Variants in TUT7 observed in about 807,000 individuals in gnomAD.
The protein encoded by TUT7 is terminal uridylyltransferase 7.
Under a neutral mutation model 165.9 loss-of-function variants are expected in TUT7, and 33 were observed. That is an observed-to-expected ratio of 0.20 (90% confidence interval 0.15 to 0.27). The LOEUF (loss-of-function observed/expected upper bound fraction) is 0.27, where lower values mean the gene tolerates loss of function less well. Ranked by LOEUF, TUT7 falls within the 10% of genes least tolerant of loss-of-function variation. The probability of loss-of-function intolerance (pLI) is 1.00; values close to 1 mark genes in which losing one functional copy is unlikely to be tolerated. For synonymous variants in TUT7, 552 were observed against 608.1 expected (o/e 0.91, Z 1.36); for missense variants, 1,338 against 1,762.3 (o/e 0.76, Z 4.31).
In TUT7 at chr9:86,325,494, C is replaced by G; in HGVS notation, c.1629G>C (p.Val543=). The G allele has an allele frequency of 6.2e-7, 1 of 1,613,668 alleles. No individual in the cohort carries two copies. The highest frequency in any genetic ancestry group is 8.5e-7 in the Non-Finnish European group (1 of 1,179,756). The part of the protein sequence containing the change: ...KRGQVSLILD[V]KHQPSVPVGQ... Reference sequence around the variant, plus strand: ...CAACTGGTACTGAAGGCTGGTGTTTCACATCCAATATTAATGACACCTATT... The same window carrying G: ...CAACTGGTACTGAAGGCTGGTGTTTGACATCCAATATTAATGACACCTATT... Residue 543 remains valine, a synonymous_variant, in exon 12 of 27, where the codon GTG becomes GTC. Transcript: ENST00000375963.
chr9:86,334,721 T>A (rs2131525942), intron 10 of TUT7, among the ~76,000 whole-genome samples: 1 of 152,240 alleles, frequency 6.6e-6, no homozygotes, highest in African/African-American at 2.4e-5. Context: ...TGAGTTTTTA[T>A]ACCCAGGGTT....
At chr9:86,351,902 T>C (rs1832336362) in intron 2 of TUT7, among the ~76,000 whole-genome samples, 1 of 152,182 alleles carries the variant, frequency 6.6e-6, no homozygotes, top group Non-Finnish European at 1.5e-5. Flanking sequence ...TCGGTATATA[T>C]CTCCCATTAG....
chr9:86,326,208 T>A (rs1482621424), intron 11 of TUT7, among the ~76,000 whole-genome samples: 1 of 152,220 alleles, frequency 6.6e-6, no homozygotes, highest in African/African-American at 2.4e-5. Context: ...CTCAGACTGG[T>A]AGCACAGCAC....
At chr9:86,325,986 C>CT (rs754971178) in intron 11 of TUT7, among the ~76,000 whole-genome samples, 11 of 152,204 alleles carry the variant, frequency 7.2e-5, no homozygotes, top group Non-Finnish European at 1.5e-4. Flanking sequence ...CACATTGACT[C>CT]TGTCAGTGAC....
At chr9:86,352,618 A>C (rs750593921) in intron 2 of TUT7, 62 bp downstream of exon 2, 1 of 1,583,698 alleles carries the variant, frequency 6.3e-7, no homozygotes, top group South Asian at 1.1e-5. Flanking sequence ...ACTCATTTGG[A>C]TGAAAAAGAA....
rs1829997500 is a variant in TUT7, at chr9:86,328,375, C to G, written c.1573G>C (p.Glu525Gln). The change falls in exon 11 of 27, where the codon GAG (glutamate) becomes CAG (glutamine). Residue 525 changes from glutamate to glutamine, a missense_variant. Around this residue, in one of 7 missense-constraint regions of TUT7, gnomAD observed 53 missense variants for 46.3 expected, o/e 1.15. Coordinates refer to ENST00000375963, the MANE Select transcript of TUT7 (RefSeq NM_024617.4). Reference sequence around the variant, plus strand: ...TTAATCGGCGTTTCTCTTGGTGCCTCTTCTTTTGTTATGCCTGTGTCCCCT... The same window carrying G: ...TTAATCGGCGTTTCTCTTGGTGCCTGTTCTTTTGTTATGCCTGTGTCCCCT... ...AAGDTGITKE[E>Q]APRETPIKRG... 9 of 1,606,596 alleles carry G rather than the reference C, an allele frequency of 5.6e-6. No homozygotes were observed. The highest frequency in any genetic ancestry group is 1.3e-5 in the African/African-American group (1 of 74,400).
rs1369150176 is a variant in TUT7, at chr9:86,288,092, A to G, written c.*585T>C. On this transcript the variant is annotated 3_prime_UTR_variant, in exon 27 of 27. Coordinates refer to ENST00000375963, the MANE Select transcript of TUT7 (RefSeq NM_024617.4). ...ACTTAAAATTAGAGAGGGAAACCCC[A>G]GAGACCTGAGTGGCACTGCCCATCC... 6.6e-6 allele frequency: 1 copy of G among 152,256 alleles called. No homozygotes were observed. The highest frequency in any genetic ancestry group is 1.5e-5 in the Non-Finnish European group (1 of 68,050). The allele number at this position is 152,256 out of a possible 1,614,324, so 9.4% of individuals were successfully genotyped here.
At chr9:86,335,784 AC>A (rs918183567) in intron 10 of TUT7, among the ~76,000 whole-genome samples, 1 of 152,194 alleles carries the variant, frequency 6.6e-6, no homozygotes, top group African/African-American at 2.4e-5. Context: ...AATGCTGAAC[AC>A]CGCAGGATCA....
intron 5 of TUT7, among the ~76,000 whole-genome samples, chr9:86,344,521 T>G (rs1205336789): frequency 2.0e-5 from 3 of 152,026 alleles, no homozygotes; most frequent in Admixed American, 1.3e-4. Flanking sequence ...CAATACAAAT[T>G]TCTTAAAACT....
chr9:86,295,329 A>C (rs1167142937), intron 26 of TUT7, among the ~76,000 whole-genome samples: 1 of 152,166 alleles, frequency 6.6e-6, no homozygotes, highest in Non-Finnish European at 1.5e-5. Context: ...TTATTTTAAA[A>C]TGTCAATATT....
chr9:86,298,395 G>C (rs998140540), intron 26 of TUT7, among the ~76,000 whole-genome samples: 5 of 152,216 alleles, frequency 3.3e-5, no homozygotes, highest in African/African-American at 1.2e-4. Context: ...GTTCAGGCTA[G>C]AGATTAGTTT....
intron 17 of TUT7, among the ~76,000 whole-genome samples, chr9:86,313,261 G>C (rs921883149): frequency 3.3e-5 from 5 of 152,174 alleles, no homozygotes; most frequent in African/African-American, 1.2e-4. Flanking sequence ...AACCCTGGCA[G>C]TGGACAGACT....
rs1832407481 is a variant in TUT7 at position 86,352,741 on chromosome 9, T to A, written c.459A>T (p.Arg153=). The change falls in exon 2 of 27, where the codon CGA becomes CGT. Residue 153 remains arginine, a synonymous_variant. Transcript: ENST00000375963. Reference sequence around the variant, plus strand: ...GGCTTGTTAGGTCTTTATGAAACAGTCGTCTTACAGTTCTGCAGCCTCTTG... The same window carrying A: ...GGCTTGTTAGGTCTTTATGAAACAGACGTCTTACAGTTCTGCAGCCTCTTG... ...QDTRGCRTVR[R]LFHKDLTSLE... The A allele has an allele frequency of 1.2e-6, 2 of 1,614,108 alleles. No homozygotes were observed. Among genetic ancestry groups the A allele is most frequent in the African/African-American group, 2.7e-5 (2 of 74,946 alleles).
rs753414119 is a variant in TUT7, at chr9:86,352,660, G to C, written c.520+20C>G. The C allele has an allele frequency of 2.5e-6, 4 of 1,613,984 alleles. No homozygotes were observed. The highest frequency in any genetic ancestry group is 3.4e-6 in the Non-Finnish European group (4 of 1,179,864). On this transcript the variant is annotated intron_variant, in intron 2 of 26. Transcript: ENST00000375963. Reference sequence around the variant, plus strand: ...ATTGCTGACTCTGGGGTTGTGATCTGACAAGTTGGAAAACATTACCAGGAC... The same window carrying C: ...ATTGCTGACTCTGGGGTTGTGATCTCACAAGTTGGAAAACATTACCAGGAC...
At chr9:86,349,909 A>G (rs1832120800) in intron 2 of TUT7, among the ~76,000 whole-genome samples, 1 of 152,232 alleles carries the variant, frequency 6.6e-6, no homozygotes. Flanking sequence ...AATACACTTA[A>G]AAGCAACTTC....
intron 17 of TUT7, among the ~76,000 whole-genome samples, chr9:86,313,095 C>T (rs946998459): frequency 2.0e-5 from 3 of 151,222 alleles, no homozygotes; most frequent in African/African-American, 4.9e-5. Flanking sequence ...TGCCAAATCC[C>T]CCTCTGCGAG....
intron 26 of TUT7, among the ~76,000 whole-genome samples, chr9:86,291,987 G>A (rs956752210): frequency 2.6e-5 from 4 of 152,040 alleles, no homozygotes; most frequent in African/African-American, 7.2e-5. Flanking sequence ...TTCACAGGGT[G>A]GAATACTGTA....
chr9:86,339,439 A>G (rs921563370), intron 8 of TUT7, among the ~76,000 whole-genome samples: 12 of 152,052 alleles, frequency 7.9e-5, no homozygotes, highest in East Asian at 5.8e-4. Flanking sequence ...AATGGTGTGA[A>G]CCCAGGAGGC....
intron 10 of TUT7, among the ~76,000 whole-genome samples, chr9:86,333,270 G>A (rs1229383515): frequency 6.6e-6 from 1 of 152,122 alleles, no homozygotes; most frequent in Non-Finnish European, 1.5e-5. Context: ...CACAGGCCTG[G>A]TTTAGGAGTC....
Sources: gnomAD v4.1 joint callset for allele counts (sites outside exome capture counted in the v4.1 genomes callset) on GRCh38, gnomAD v4.1.1 for gene constraint, gnomAD v4.1.1 regional missense constraint, MANE v1.5 for transcripts, NCBI Gene and HGNC (gene_info 2026-07-23, HGNC 2026-07-21) for gene names.